TRHDE: variants seen among roughly 807,000 people sequenced by gnomAD.
TRHDE encodes the protein thyrotropin-releasing hormone-degrading ectoenzyme.
TRHDE carries 72 observed loss-of-function variants against 125.7 expected under a neutral mutation model. That is an observed-to-expected ratio of 0.57 (90% CI 0.47 to 0.70). The LOEUF is 0.70. TRHDE is among the 30% of genes least tolerant of loss of function. TRHDE has a pLI of 0.00. For missense variants in TRHDE, 1,110 were observed against 1,327.1 expected (o/e 0.84, Z 2.54); for synonymous variants, 509 against 509.1 (o/e 1.00, Z 0.00).
At chr12:72,098,780 C>T (rs939049534) in intron 1 of TRHDE, among the ~76,000 whole-genome samples, 3 of 152,174 alleles carry the variant, frequency 2.0e-5, no homozygotes, top group Non-Finnish European at 4.4e-5. Flanking sequence ...CTTGCACCTC[C>T]CAGCCAGCTG....
chr12:72,478,321 G>C (rs1034413060), intron 5 of TRHDE, among the ~76,000 whole-genome samples: 2 of 152,122 alleles, frequency 1.3e-5, no homozygotes, highest in African/African-American at 4.8e-5. Context: ...AAGCATGCCT[G>C]TTTGGGTCTC....
At chr12:72,126,529 G>A (rs991677736) in intron 2 of TRHDE, among the ~76,000 whole-genome samples, 1 of 152,164 alleles carries the variant, frequency 6.6e-6, no homozygotes, top group African/African-American at 2.4e-5. Context: ...GAACAGAATA[G>A]AGAATGCAGA....
rs1879360361 is a variant in TRHDE at position 72,273,692 on chromosome 12, G to A, written c.914+135G>A. 3 of 835,582 alleles carry A rather than the reference G, an allele frequency of 3.6e-6. No individual in the cohort carries two copies. Among genetic ancestry groups the A allele is most frequent in the Non-Finnish European group, 5.6e-6 (3 of 537,914 alleles). 51.8% of individuals were successfully genotyped at this position (835,582 alleles called of 1,614,324 possible). A position where few individuals can be genotyped will look rare whatever the true frequency, so the allele number is the denominator to read the frequency against. On this transcript the variant is annotated intron_variant, in intron 1 of 18. Coordinates refer to ENST00000261180, the MANE Select transcript of TRHDE (RefSeq NM_013381.3). This position sits in a 1 kb window ranked among gnomAD's most constrained non-coding sequence, Gnocchi z 5.3. ...GGGGTGGGGGGAAGGAAACGAAAGC[G>A]GAGTAGGGCAGTCAGAACTCCGGGG... is the stretch of plus-strand genomic sequence containing the variant.
intron 2 of TRHDE, among the ~76,000 whole-genome samples, chr12:72,324,366 C>G (rs1869240831): frequency 6.6e-6 from 1 of 152,004 alleles, no homozygotes; most frequent in Non-Finnish European, 1.5e-5. Flanking sequence ...TCCATGAATA[C>G]AGGAAGGATT....
At chr12:72,494,673 G>A (rs1339519584) in intron 5 of TRHDE, among the ~76,000 whole-genome samples, 4 of 151,984 alleles carry the variant, frequency 2.6e-5, no homozygotes, top group South Asian at 2.1e-4. Context: ...ACTTTGACAT[G>A]TTCAGGCAGA....
At chr12:72,659,225 TGA>T (rs1874822872) in intron 18 of TRHDE, among the ~76,000 whole-genome samples, 1 of 152,210 alleles carries the variant, frequency 6.6e-6, no homozygotes, top group African/African-American at 2.4e-5. Context: ...TTCTAGTACC[TGA>T]AACTGGAGTT....
intron 2 of TRHDE, among the ~76,000 whole-genome samples, chr12:72,291,278 T>A (rs1880078672): frequency 6.6e-6 from 1 of 152,192 alleles, no homozygotes; most frequent in South Asian, 2.1e-4. Context: ...GGAATATGGT[T>A]ATGACAAAAG....
At chr12:72,465,254 G>T (rs1257802745) in intron 3 of TRHDE, among the ~76,000 whole-genome samples, 1 of 151,730 alleles carries the variant, frequency 6.6e-6, no homozygotes, top group Non-Finnish European at 1.5e-5. Flanking sequence ...TGTACAGTAA[G>T]CTGTCCATAT....
At chr12:72,312,551 A>T (rs778923494) in intron 2 of TRHDE, among the ~76,000 whole-genome samples, 1 of 152,220 alleles carries the variant, frequency 6.6e-6, no homozygotes, top group Non-Finnish European at 1.5e-5. Context: ...TTCGGTTATT[A>T]TGTAACAATG....
At chr12:72,505,913 G>T (rs191558921) in intron 6 of TRHDE, among the ~76,000 whole-genome samples, 39 of 152,274 alleles carry the variant, frequency 2.6e-4, no homozygotes, top group African/African-American at 9.4e-4. Flanking sequence ...ATGTCAGTCA[G>T]ATGATGATTA....
intron 1 of TRHDE, 104 bp from the exon 2 acceptor site, chr12:72,286,577 G>A: frequency 8.8e-7 from 1 of 1,134,882 alleles, no homozygotes; most frequent in South Asian, 1.6e-5. Context: ...AAAAAATATT[G>A]CAATTTGGAA....
intron 2 of TRHDE, among the ~76,000 whole-genome samples, chr12:72,241,040 G>GT (rs35992244): frequency 0.36 from 54,542 of 151,744 alleles, 10,894 homozygotes; most frequent in Non-Finnish European, 0.46. Context: ...TGGTGGTCGT[G>GT]TATTATTCAT....
At chr12:72,421,168 G>T (rs1245970722) in intron 3 of TRHDE, among the ~76,000 whole-genome samples, 1 of 152,134 alleles carries the variant, frequency 6.6e-6, no homozygotes, top group African/African-American at 2.4e-5. Flanking sequence ...TCAAATTTAT[G>T]TCTTGGAAAT....
chr12:72,449,226 CTA>C lies in TRHDE; in HGVS notation c.1316-20531_1316-20530del, dbSNP rs566764509. On this transcript the variant is annotated intron_variant, in intron 3 of 18. Coordinates refer to ENST00000261180, the MANE Select transcript of TRHDE (RefSeq NM_013381.3). ...ATTTATGTTTGAAATAGAGGTCTAA[CTA>C]AATTTTTATATAAACTCATTGGCAG... Among the ~76,000 whole-genome samples the C allele has an allele frequency of 1.0e-3, 152 of 152,118 alleles. 2 individuals carry two copies. The highest frequency in any genetic ancestry group is 8.3e-3 in the Admixed American group (127 of 15,250).
intron 15 of TRHDE, among the ~76,000 whole-genome samples, chr12:72,635,572 T>G (rs1414663583): frequency 6.6e-6 from 1 of 152,154 alleles, no homozygotes; most frequent in Non-Finnish European, 1.5e-5. Flanking sequence ...CATGAAGTCC[T>G]TGCCCGTGCC....
At chr12:72,144,669 G>A (rs1248247099) in intron 2 of TRHDE, among the ~76,000 whole-genome samples, 1 of 152,010 alleles carries the variant, frequency 6.6e-6, no homozygotes, top group African/African-American at 2.4e-5. Flanking sequence ...ATTGAGTCTT[G>A]GAGAGAGCTA....
chr12:72,591,632 G>GTTTTTGTTT (rs750815686), intron 12 of TRHDE, among the ~76,000 whole-genome samples: 3 of 125,430 alleles, frequency 2.4e-5, no homozygotes, highest in Admixed American at 7.9e-5. Context: ...AAGGATATGG[G>GTTTTTGTTT]TTTTTTTTTT....
At chr12:72,156,104 CT>C (rs1440153173) in intron 2 of TRHDE, among the ~76,000 whole-genome samples, 10 of 152,194 alleles carry the variant, frequency 6.6e-5, no homozygotes, top group Non-Finnish European at 1.0e-4. Context: ...GCGGGCGCCC[CT>C]CCCCCAGCCT....
At chr12:72,642,828 G>C (rs1874120215) in intron 15 of TRHDE, among the ~76,000 whole-genome samples, 1 of 152,106 alleles carries the variant, frequency 6.6e-6, no homozygotes, top group Admixed American at 6.5e-5. Context: ...TCATAACTGT[G>C]GGTTCTGTGG....
Sources: gnomAD v4.1 joint callset for allele counts (sites outside exome capture counted in the v4.1 genomes callset) on GRCh38, gnomAD v4.1.1 for gene constraint, Gnocchi (gnomAD v3.1) non-coding constraint, MANE v1.5 for transcripts, NCBI Gene and HGNC (gene_info 2026-07-23, HGNC 2026-07-21) for gene names.